Variants in MTR observed in about 807,000 individuals in gnomAD.
MTR encodes the protein 5-methyltetrahydrofolate-homocysteine methyltransferase.
MTR carries 84 observed loss-of-function variants against 154.8 expected under a neutral mutation model. That is an observed-to-expected ratio of 0.54 (90% CI 0.45 to 0.65). MTR has a LOEUF of 0.65. Ranked by LOEUF, MTR falls within the 30% of genes least tolerant of loss-of-function variation. The pLI is 0.00. For missense variants in MTR, 1,275 were observed against 1,570.2 expected (o/e 0.81, Z 3.18); for synonymous variants, 554 against 553.9 (o/e 1.00, Z 0.00).
chr1:236,842,542 T>G (rs2103193773), intron 15 of MTR, among the ~76,000 whole-genome samples: 1 of 152,264 alleles, frequency 6.6e-6, no homozygotes, highest in South Asian at 2.1e-4. Context: ...TTGAGTTTTA[T>G]TTCTTCTTTT....
intron 18 of MTR, among the ~76,000 whole-genome samples, chr1:236,856,990 A>G (rs1318956636): frequency 6.6e-6 from 1 of 152,224 alleles, no homozygotes; most frequent in Non-Finnish European, 1.5e-5. Context: ...CGCAATAAAC[A>G]TACGTGTATG....
intron 1 of MTR, among the ~76,000 whole-genome samples, chr1:236,797,195 TTCTG>T (rs1660443925): frequency 6.6e-6 from 1 of 152,206 alleles, no homozygotes; most frequent in Admixed American, 6.5e-5. Flanking sequence ...GTAGTCCAGC[TTCTG>T]TCTATGTGAG....
intron 15 of MTR, among the ~76,000 whole-genome samples, chr1:236,843,783 C>T (rs1663402491): frequency 6.6e-6 from 1 of 152,086 alleles, no homozygotes; most frequent in Non-Finnish European, 1.5e-5. Flanking sequence ...AATCTGTTGG[C>T]TTGGGCAATT....
intron 9 of MTR, 87 bp downstream of exon 9, chr1:236,824,306 T>A (rs934506882): frequency 1.0e-5 from 12 of 1,168,560 alleles, no homozygotes; most frequent in Admixed American, 3.4e-5. Context: ...GAATAAAAGA[T>A]CTTGTTTTGC....
intron 22 of MTR, among the ~76,000 whole-genome samples, chr1:236,871,838 T>C (rs115048183): frequency 0.018 from 2,698 of 152,254 alleles, 84 homozygotes; most frequent in African/African-American, 0.061. Flanking sequence ...GTCATAGTTT[T>C]TTTTTTAACT....
chr1:236,860,990 A>C, intron 19 of MTR, 135 bp from the exon 20 acceptor site: 1 of 702,258 alleles, frequency 1.4e-6, no homozygotes, highest in Non-Finnish European at 2.3e-6. Context: ...AGCCAGATTG[A>C]GTCCATGCAC....
At chr1:236,883,393 T>A (rs766990086) in intron 25 of MTR, among the ~76,000 whole-genome samples, 1 of 152,144 alleles carries the variant, frequency 6.6e-6, no homozygotes, top group Non-Finnish European at 1.5e-5. Context: ...TTCATGGGGC[T>A]GTGCAAGGTG....
At position 236,808,658 on chromosome 1, in the gene MTR, G is replaced by A. The variant is rs749845045; in HGVS notation, c.340-46G>A. 12 of 1,551,080 alleles carry A rather than the reference G, an allele frequency of 7.7e-6. No individual in the cohort carries two copies. The African/African-American group carries it at 1.5e-4, about 19-fold the overall frequency. ...TGGTCATGAATCCATTATTTATTGT[G>A]CGGAGGAAAAGAAGGACAAGCTAAC... is the stretch of plus-strand genomic sequence containing the variant. On this transcript the variant is annotated intron_variant, in intron 3 of 32. Coordinates refer to ENST00000366577, the MANE Select transcript of MTR (RefSeq NM_000254.3).
At chr1:236,868,581 T>C (rs1453111780) in intron 22 of MTR, among the ~76,000 whole-genome samples, 1 of 152,184 alleles carries the variant, frequency 6.6e-6, no homozygotes, top group Non-Finnish European at 1.5e-5. Flanking sequence ...TCTGTAATAG[T>C]AACTAGGAAA....
chr1:236,822,848 A>G (rs1399377696), intron 8 of MTR, among the ~76,000 whole-genome samples: 1 of 152,214 alleles, frequency 6.6e-6, no homozygotes, highest in South Asian at 2.1e-4. Context: ...TTCTTATTGC[A>G]TAGGGACTTC....
Position 236,899,903 on chromosome 1 carries a change from A to G in MTR, c.*2259A>G, listed in dbSNP as rs1381141327. ...AATGAGATTCCATTTTATATCCATA[A>G]GATTTGCAAAGGTTGGGTCTGACAG... On this transcript the variant is annotated 3_prime_UTR_variant, in exon 33 of 33. Transcript: ENST00000366577. The G allele has an allele frequency of 6.4e-6, 1 of 156,014 alleles. No individual in the cohort carries two copies. The highest frequency in any genetic ancestry group is 1.4e-5 in the Non-Finnish European group (1 of 69,782). The allele number at this position is 156,014 out of a possible 1,614,324, so 9.7% of individuals were successfully genotyped here.
chr1:236,821,941 TTGTC>T (rs1345730872), intron 8 of MTR, among the ~76,000 whole-genome samples: 1 of 152,190 alleles, frequency 6.6e-6, no homozygotes, highest in Non-Finnish European at 1.5e-5. Context: ...CAATTCCACA[TTGTC>T]TTGATTGCTT....
intron 8 of MTR, among the ~76,000 whole-genome samples, chr1:236,818,127 A>G (rs560317936): frequency 6.6e-6 from 1 of 152,270 alleles, no homozygotes; most frequent in East Asian, 1.9e-4. Context: ...TGAATTTGTT[A>G]TGTGGTTAAG....
chr1:236,880,948 A>G lies in MTR; in HGVS notation c.2676+112A>G, dbSNP rs937709326. ...TATTCAGTTCTACTAAATAAAGGTC[A>G]AAGAGCAGCCTGAGGCTCATGGTGT... On this transcript the variant is annotated intron_variant, in intron 25 of 32. Coordinates refer to ENST00000366577, the MANE Select transcript of MTR (RefSeq NM_000254.3). The G allele has an allele frequency of 6.4e-6, 7 of 1,099,414 alleles. No homozygotes were observed. The African/African-American group carries it at 7.7e-5, about 12-fold the overall frequency. The allele number at this position is 1,099,414 out of a possible 1,614,324, so 68.1% of individuals were successfully genotyped here.
intron 15 of MTR, among the ~76,000 whole-genome samples, chr1:236,845,755 T>C (rs1018169051): frequency 2.0e-5 from 3 of 152,342 alleles, no homozygotes; most frequent in South Asian, 2.1e-4. Context: ...GTCATAAATA[T>C]TGAAAATTAT....
intron 6 of MTR, among the ~76,000 whole-genome samples, chr1:236,813,183 C>G (rs1661401391): frequency 6.6e-6 from 1 of 151,940 alleles, no homozygotes; most frequent in Non-Finnish European, 1.5e-5. Flanking sequence ...CTTTCCTTTC[C>G]TAGTCTCTAG....
rs930854220 is a variant in MTR at position 236,839,830 on chromosome 1, T to C, written c.1515+1231T>C. Among the ~76,000 whole-genome samples, 6 of 152,328 alleles carry C rather than the reference T, an allele frequency of 3.9e-5. No individual in the cohort carries two copies. The East Asian group carries it at 1.2e-3, about 29-fold the overall frequency. ...TAGGGCAATGCTTAAACTTGGTCCTTACTACATAGAATACTGTGCAGCAGT... is the reference window on the plus strand; with the variant it reads ...TAGGGCAATGCTTAAACTTGGTCCTCACTACATAGAATACTGTGCAGCAGT... On this transcript the variant is annotated intron_variant, in intron 15 of 32. Coordinates refer to ENST00000366577, the MANE Select transcript of MTR (RefSeq NM_000254.3).
Position 236,795,548 on chromosome 1 carries a change from TC to T in MTR, c.-150del, listed in dbSNP as rs747170005. 3 of 1,537,890 alleles carry T rather than the reference TC, an allele frequency of 2.0e-6. No individual in the cohort carries two copies. The highest frequency in any genetic ancestry group is 2.6e-6 in the Non-Finnish European group (3 of 1,146,798). ...CGCTGCGGGCTTTCGGGGTCCGCAG[TC>T]CCCCCGCGACGCGAGCCAACGGGAG... On this transcript the variant is annotated 5_prime_UTR_variant, in exon 1 of 33. Coordinates refer to ENST00000366577, the MANE Select transcript of MTR (RefSeq NM_000254.3).
chr1:236,795,680 T>A lies in MTR; in HGVS notation c.-24T>A. Reference sequence around the variant, plus strand: ...AGCACGTCTTCTCTGCCGCGCCCTCTGCGCAAGGAGGAGACTCGACAACAT... The same window carrying A: ...AGCACGTCTTCTCTGCCGCGCCCTCAGCGCAAGGAGGAGACTCGACAACAT... On this transcript the variant is annotated 5_prime_UTR_variant, in exon 1 of 33. Transcript: ENST00000366577. The A allele has an allele frequency of 6.2e-7, 1 of 1,613,928 alleles. No homozygotes were observed. The highest frequency in any genetic ancestry group is 1.3e-5 in the African/African-American group (1 of 75,078).
Sources: allele counts gnomAD v4.1 joint callset (sites outside exome capture counted in the v4.1 genomes callset), GRCh38; gene constraint gnomAD v4.1.1; transcripts MANE v1.5; gene names NCBI Gene and HGNC (gene_info 2026-07-23, HGNC 2026-07-21).